KNDC1: variants seen among roughly 807,000 people sequenced by gnomAD.
KNDC1 encodes the protein kinase non-catalytic C-lobe domain-containing protein 1.
Under a neutral mutation model 172.8 loss-of-function variants are expected in KNDC1, and 106 were observed. The observed-to-expected ratio is 0.61, with a 90% CI of 0.52 to 0.72. The LOEUF (loss-of-function observed/expected upper bound fraction) is 0.72. KNDC1 is among the 30% of genes least tolerant of loss of function. The pLI is 0.00. For missense variants in KNDC1, 2,325 were observed against 2,394.5 expected (o/e 0.97, Z 0.61); for synonymous variants, 1,083 against 1,062.2 (o/e 1.02, Z -0.38).
At chr10:133,219,123 G>A (rs1208260273) in intron 28 of KNDC1, 33 bp downstream of exon 28, 4 of 1,602,398 alleles carry the variant, frequency 2.5e-6, no homozygotes, top group Non-Finnish European at 3.4e-6. Flanking sequence ...GGCGGCTTTG[G>A]TCCCCCGAGG....
chr10:133,207,057 G>T, intron 19 of KNDC1, 80 bp from the exon 20 acceptor site: 2 of 1,518,692 alleles, frequency 1.3e-6, no homozygotes, highest in Non-Finnish European at 1.8e-6. Context: ...TATAAAAGGG[G>T]CCCTGATTTG....
chr10:133,188,125 G>A (rs149589019), intron 6 of KNDC1, among the ~76,000 whole-genome samples: 112 of 152,260 alleles, frequency 7.4e-4, no homozygotes, highest in African/African-American at 2.6e-3. Flanking sequence ...CCCTGCGTCC[G>A]TCCGTGGATG....
chr10:133,178,589 G>T (rs755863099), intron 3 of KNDC1, among the ~76,000 whole-genome samples: 3 of 152,084 alleles, frequency 2.0e-5, no homozygotes, highest in Non-Finnish European at 2.9e-5. Flanking sequence ...TCCCCCCTCT[G>T]CTGCCCGAAT....
intron 5 of KNDC1, among the ~76,000 whole-genome samples, chr10:133,184,254 ACAC>A (rs1335245190): frequency 6.5e-4 from 90 of 138,888 alleles, no homozygotes; most frequent in African/African-American, 2.4e-3. Flanking sequence ...CACTGCACAC[ACAC>A]GTTACACACA....
At chr10:133,178,024 GTA>G (rs1853602774) in intron 3 of KNDC1, among the ~76,000 whole-genome samples, 1 of 148,518 alleles carries the variant, frequency 6.7e-6, no homozygotes, top group African/African-American at 2.5e-5. Flanking sequence ...CATGCATGTG[GTA>G]TGTGTCATGG....
intron 3 of KNDC1, among the ~76,000 whole-genome samples, chr10:133,169,862 A>G (rs1464404282): frequency 1.3e-5 from 2 of 152,240 alleles, no homozygotes; most frequent in South Asian, 2.1e-4. Context: ...AGACCTGGAC[A>G]TGACCTCAGC....
At chr10:133,194,935 G>T (rs1216417149) in intron 9 of KNDC1, among the ~76,000 whole-genome samples, 1 of 152,260 alleles carries the variant, frequency 6.6e-6, no homozygotes, top group Non-Finnish European at 1.5e-5. Context: ...ATTCAGCAAA[G>T]ACGTCGCTCA....
rs754515389 is a variant in KNDC1 at position 133,207,310 on chromosome 10, G to GGCCGGCAC, written c.3758_3765dup (p.Leu1256AlafsTer49). The GGCCGGCAC allele has an allele frequency of 1.2e-6, 2 of 1,612,768 alleles. No homozygotes were observed. The highest frequency in any genetic ancestry group is 8.5e-7 in the Non-Finnish European group (1 of 1,179,946). ...GCCGGCAGAAGGCCCGCATCCTGCA[G>GGCCGGCAC]GCCGGCACGCCGCTGGGGCTCATGG... On this transcript the variant is annotated frameshift_variant, in exon 20 of 30. Coordinates refer to ENST00000304613, the MANE Select transcript of KNDC1 (RefSeq NM_152643.8). LOFTEE classifies it high-confidence loss of function.
At position 133,219,206 on chromosome 10, in the gene KNDC1, G is replaced by A. The variant is rs893381535; in HGVS notation, c.4860+116G>A. 6 of 1,309,650 alleles carry A rather than the reference G, an allele frequency of 4.6e-6. No homozygotes were observed. The African/African-American group carries it at 7.3e-5, about 16-fold the overall frequency. 81.1% of individuals were successfully genotyped at this position (1,309,650 alleles called of 1,614,324 possible). On this transcript the variant is annotated intron_variant, in intron 28 of 29. Coordinates refer to ENST00000304613, the MANE Select transcript of KNDC1 (RefSeq NM_152643.8). Reference sequence around the variant, plus strand: ...AGGCACCACAGAGTGTGTGCAGGTGGCCCAGCCAGGGTGGCCTCACGGAGG... The same window carrying A: ...AGGCACCACAGAGTGTGTGCAGGTGACCCAGCCAGGGTGGCCTCACGGAGG...
In KNDC1 at chr10:133,220,120, G is replaced by A. The variant is rs1407013168; in HGVS notation, c.5018+8G>A. On this transcript the variant is annotated splice_region_variant and intron_variant, in intron 29 of 29. Coordinates refer to ENST00000304613, the MANE Select transcript of KNDC1 (RefSeq NM_152643.8). ...CAGGTGGAGCAAGCTCAGGTGAGGA[G>A]GGGCTCAGGCGGCCGCGCGCCCAGG... The A allele has an allele frequency of 1.5e-5, 23 of 1,521,792 alleles. No homozygotes were observed. Among genetic ancestry groups the A allele is most frequent in the Non-Finnish European group, 1.9e-5 (21 of 1,124,232 alleles). The allele number at this position is 1,521,792 out of a possible 1,614,324, so 94.3% of individuals were successfully genotyped here.
chr10:133,207,774 G>A (rs1342523676), intron 20 of KNDC1, among the ~76,000 whole-genome samples: 3 of 152,244 alleles, frequency 2.0e-5, no homozygotes, highest in African/African-American at 4.8e-5. Flanking sequence ...CCCTCCACTC[G>A]GTGTGCACAC....
At position 133,225,329 on chromosome 10, in the gene KNDC1, G is replaced by A. The variant is rs189421200; in HGVS notation, c.*439G>A. ...CTGAGCAGGTTTCTGAGCCAGCCTG[G>A]GTTGGCTGAGCAACGAAGGGCCAAA... On this transcript the variant is annotated 3_prime_UTR_variant, in exon 30 of 30. Coordinates refer to ENST00000304613, the MANE Select transcript of KNDC1 (RefSeq NM_152643.8). 248 of 199,572 alleles carry A rather than the reference G, an allele frequency of 1.2e-3. 7 individuals carry two copies. The South Asian group carries it at 0.02, about 16-fold the overall frequency. The allele number at this position is 199,572 out of a possible 1,614,324, so 12.4% of individuals were successfully genotyped here. A position where few individuals can be genotyped will look rare whatever the true frequency, so the allele number is the denominator to read the frequency against.
Position 133,199,084 on chromosome 10 carries a change from GTCCAGACAGTGT to G in KNDC1, c.2577_2588del (p.Asp861_Pro864del). 1 of 1,608,506 alleles carries G rather than the reference GTCCAGACAGTGT, an allele frequency of 6.2e-7. No homozygotes were observed. The highest frequency in any genetic ancestry group is 1.1e-5 in the South Asian group (1 of 90,450). ...CCTGCCGGGGAACGTGATGACCAGA[GTCCAGACAGTGT>G]CCCAGAGAGGCCGCGGCCCGCAGAC... On this transcript the variant is annotated inframe_deletion, in exon 14 of 30. Coordinates refer to ENST00000304613, the MANE Select transcript of KNDC1 (RefSeq NM_152643.8).
chr10:133,202,402 G>A (rs1370785654), intron 17 of KNDC1: 2 of 428,240 alleles, frequency 4.7e-6, no homozygotes, highest in Non-Finnish European at 9.4e-6. Flanking sequence ...CTCCTCCCTG[G>A]CCAGCAGGGA....
intron 15 of KNDC1, 38 bp from the exon 16 acceptor site, chr10:133,200,336 TG>T: frequency 6.7e-7 from 1 of 1,485,730 alleles, no homozygotes; most frequent in South Asian, 1.3e-5. Context: ...CTCCTCCCAG[TG>T]GGCGGAGGTG....
chr10:133,208,834 C>T (rs1463815707), intron 20 of KNDC1, among the ~76,000 whole-genome samples: 1 of 151,660 alleles, frequency 6.6e-6, no homozygotes, highest in Non-Finnish European at 1.5e-5. Context: ...GTGTGATGTG[C>T]TTTGTTGTGC....
intron 29 of KNDC1, among the ~76,000 whole-genome samples, chr10:133,221,827 A>T (rs1845594661): frequency 7.7e-6 from 1 of 129,798 alleles, no homozygotes; most frequent in Non-Finnish European, 1.7e-5. Context: ...CTGTAACCCT[A>T]GGTAGGCCGG....
chr10:133,161,662 C>G (rs1852974175), intron 1 of KNDC1, among the ~76,000 whole-genome samples: 1 of 152,194 alleles, frequency 6.6e-6, no homozygotes, highest in East Asian at 1.9e-4. Flanking sequence ...GGCCTGGATT[C>G]GGTGCAGTTG....
chr10:133,225,060 G>C lies in KNDC1; in HGVS notation c.*170G>C. ...TCAGGGGACCCCATGGGGACAGGCA[G>C]AGCTGGTCTCCTCCCAGCAGACGGA... is the stretch of plus-strand genomic sequence containing the variant. On this transcript the variant is annotated 3_prime_UTR_variant, in exon 30 of 30. Transcript: ENST00000304613. 1 of 614,854 alleles carries C rather than the reference G, an allele frequency of 1.6e-6. No individual in the cohort carries two copies. Among genetic ancestry groups the C allele is most frequent in the Non-Finnish European group, 2.9e-6 (1 of 342,176 alleles). 38.1% of individuals were successfully genotyped at this position (614,854 alleles called of 1,614,324 possible). A position where few individuals can be genotyped will look rare whatever the true frequency, so the allele number is the denominator to read the frequency against.
Sources: allele counts gnomAD v4.1 joint callset (sites outside exome capture counted in the v4.1 genomes callset), GRCh38; gene constraint gnomAD v4.1.1; transcripts MANE v1.5; gene names NCBI Gene and HGNC (gene_info 2026-07-23, HGNC 2026-07-21).